PAM: variants seen among roughly 807,000 people sequenced by gnomAD.
PAM encodes peptidyl-glycine alpha-amidating monooxygenase.
PAM carries 72 observed loss-of-function variants against 122.1 expected under a neutral mutation model. The observed-to-expected ratio is 0.59, with a 90% CI of 0.49 to 0.72. The LOEUF (loss-of-function observed/expected upper bound fraction) is 0.72. Among genes scored for constraint, PAM ranks in the 30% least tolerant of loss-of-function variants. The pLI is 0.00. For missense variants in PAM, 1,106 were observed against 1,183.7 expected, an observed-to-expected ratio of 0.93 and a Z score of 0.96; for synonymous variants, 389 against 404.4, an observed-to-expected ratio of 0.96 and a Z score of 0.46.
intron 1 of PAM, among the ~76,000 whole-genome samples, chr5:102,768,423 T>C (rs903217867): frequency 6.6e-6 from 1 of 152,140 alleles, no homozygotes; most frequent in African/African-American, 2.4e-5. Flanking sequence ...TGTTGTGCTA[T>C]CACGTACTAG....
At chr5:102,872,804 C>T (rs913103317) in intron 3 of PAM, among the ~76,000 whole-genome samples, 1 of 152,108 alleles carries the variant, frequency 6.6e-6, no homozygotes, top group African/African-American at 2.4e-5. Context: ...AGTTTTCAGG[C>T]TACAATAACG....
intron 5 of PAM, among the ~76,000 whole-genome samples, chr5:102,914,756 A>T (rs1802591373): frequency 1.3e-5 from 2 of 152,112 alleles, no homozygotes; most frequent in Admixed American, 1.3e-4. Flanking sequence ...TGCAAGATAA[A>T]GATTGAACCC....
chr5:102,916,509 C>G (rs1803146151), intron 5 of PAM, among the ~76,000 whole-genome samples: 1 of 151,406 alleles, frequency 6.6e-6, no homozygotes, highest in Admixed American at 6.6e-5. Context: ...ATCTTTTAAC[C>G]AAGCCCAACA....
intron 21 of PAM, among the ~76,000 whole-genome samples, chr5:103,016,256 T>G (rs981398590): frequency 5.9e-5 from 9 of 152,218 alleles, no homozygotes; most frequent in Non-Finnish European, 1.3e-4. Flanking sequence ...CGATAGTATC[T>G]CCAGAGCATG....
intron 14 of PAM, among the ~76,000 whole-genome samples, chr5:102,973,827 T>C (rs922143625): frequency 6.8e-6 from 1 of 148,032 alleles, no homozygotes; most frequent in African/African-American, 2.5e-5. Flanking sequence ...TATCAAACTA[T>C]ACTTTGAAAA....
At chr5:102,969,114 G>C (rs1214331664) in intron 14 of PAM, among the ~76,000 whole-genome samples, 3 of 152,068 alleles carry the variant, frequency 2.0e-5, no homozygotes, top group African/African-American at 7.2e-5. Flanking sequence ...GGGAGGGATA[G>C]CATTAGGAGG....
At chr5:102,982,877 A>G (rs2150610649) in intron 15 of PAM, among the ~76,000 whole-genome samples, 1 of 152,256 alleles carries the variant, frequency 6.6e-6, no homozygotes, top group South Asian at 2.1e-4. Context: ...ACAAAAAAGA[A>G]ATCTATGAAA....
At chr5:102,989,828 A>ATAGT (rs1773475101) in intron 15 of PAM, 1 of 152,330 alleles carries the variant, frequency 6.6e-6, no homozygotes, top group East Asian at 1.9e-4. Context: ...AGATAGATAG[A>ATAGT]TAGATAGATG....
chr5:102,862,884 A>G (rs1784555477), intron 1 of PAM, among the ~76,000 whole-genome samples: 1 of 152,138 alleles, frequency 6.6e-6, no homozygotes, highest in African/African-American at 2.4e-5. Flanking sequence ...GTTTACAGGT[A>G]TCCACTATGC....
At chr5:102,958,663 A>G (rs1387813703) in intron 12 of PAM, among the ~76,000 whole-genome samples, 1 of 152,148 alleles carries the variant, frequency 6.6e-6, no homozygotes, top group African/African-American at 2.4e-5. Flanking sequence ...TTTCTAAAGC[A>G]TAAACAGAGC....
intron 23 of PAM, among the ~76,000 whole-genome samples, chr5:103,024,261 C>T (rs749889395): frequency 6.6e-6 from 1 of 151,940 alleles, no homozygotes; most frequent in Non-Finnish European, 1.5e-5. Context: ...CAAGGCTCAA[C>T]CTCATTTTCA....
At chr5:102,807,244 G>T (rs926593841) in intron 1 of PAM, among the ~76,000 whole-genome samples, 9 of 152,146 alleles carry the variant, frequency 5.9e-5, no homozygotes, top group African/African-American at 2.2e-4. Context: ...TTAAAGTGTT[G>T]CATCTGATCA....
intron 21 of PAM, among the ~76,000 whole-genome samples, chr5:103,014,746 T>A (rs1365156417): frequency 6.6e-6 from 1 of 152,192 alleles, no homozygotes; most frequent in Non-Finnish European, 1.5e-5. Flanking sequence ...TTTTTATGTC[T>A]GTGCAGGGAA....
intron 3 of PAM, among the ~76,000 whole-genome samples, chr5:102,878,733 TAA>T (rs891569970): frequency 6.9e-6 from 1 of 144,276 alleles, no homozygotes; most frequent in African/African-American, 2.5e-5. Context: ...ATGTTTAAAG[TAA>T]AAAAAAAAAT....
chr5:103,007,017 C>T lies in PAM; in HGVS notation c.2014+6C>T. 6.3e-7 allele frequency: 1 copy of T among 1,582,474 alleles called. No individual in the cohort carries two copies. The highest frequency in any genetic ancestry group is 8.7e-7 in the Non-Finnish European group (1 of 1,154,308). ...CATCACACAGTGGGGAGAAGGTACC[C>T]AATAAGACTCTTAATCTCCAGTTGT... On this transcript the variant is annotated splice_donor_region_variant and intron_variant, in intron 19 of 25. Coordinates refer to ENST00000438793, the MANE Select transcript of PAM (RefSeq NM_001177306.2).
chr5:102,834,457 A>C (rs1490077711), intron 1 of PAM, among the ~76,000 whole-genome samples: 1 of 152,218 alleles, frequency 6.6e-6, no homozygotes, highest in South Asian at 2.1e-4. Flanking sequence ...GTGTTCAGTC[A>C]GAAATTAAAG....
intron 3 of PAM, among the ~76,000 whole-genome samples, chr5:102,889,087 A>G (rs1250062132): frequency 6.6e-6 from 1 of 151,960 alleles, no homozygotes; most frequent in Non-Finnish European, 1.5e-5. Flanking sequence ...GTATAAAAAC[A>G]GGGATGTATT....
At chr5:102,863,562 T>C (rs1784714379) in intron 1 of PAM, among the ~76,000 whole-genome samples, 1 of 151,946 alleles carries the variant, frequency 6.6e-6, no homozygotes, top group Non-Finnish European at 1.5e-5. Flanking sequence ...ATATTCTTTT[T>C]TAGTTTTATT....
rs1766797678 is a variant in PAM at position 102,974,100 on chromosome 5, T to C, written c.1163-16T>C. The C allele has an allele frequency of 6.3e-7, 1 of 1,598,202 alleles. No individual in the cohort carries two copies. The highest frequency in any genetic ancestry group is 1.3e-5 in the African/African-American group (1 of 74,484). ...ATCTACCCTCCACGCCCTTATCTCT[T>C]CTCTTTTTTCCACAGGTGATTTCTA... is the stretch of plus-strand genomic sequence containing the variant. On this transcript the variant is annotated splice_polypyrimidine_tract_variant and intron_variant, in intron 14 of 25. Coordinates refer to ENST00000438793, the MANE Select transcript of PAM (RefSeq NM_001177306.2).
Sources: gnomAD v4.1 joint callset for allele counts (sites outside exome capture counted in the v4.1 genomes callset) on GRCh38, gnomAD v4.1.1 for gene constraint, MANE v1.5 for transcripts, NCBI Gene and HGNC (gene_info 2026-07-23, HGNC 2026-07-21) for gene names.